Variants in NAALADL2 observed in about 807,000 individuals in gnomAD.
NAALADL2 encodes N-acetylated alpha-linked acidic dipeptidase like 2, also known as inactive N-acetylated-alpha-linked acidic dipeptidase-like protein 2.
NAALADL2 carries 76 observed loss-of-function variants against 87.2 expected under a neutral mutation model. The observed-to-expected ratio is 0.87, with a 90% CI of 0.72 to 1.05. The LOEUF (loss-of-function observed/expected upper bound fraction) is 1.05, where lower values mean the gene tolerates loss of function less well. Among genes scored for constraint, NAALADL2 ranks in the 50% least tolerant of loss-of-function variants. NAALADL2 has a pLI of 0.00. For missense variants in NAALADL2, 1,089 were observed against 945.8 expected, an observed-to-expected ratio of 1.15 and a Z score of -1.99; for synonymous variants, 354 against 331.0, an observed-to-expected ratio of 1.07 and a Z score of -0.75.
intron 3 of NAALADL2, among the ~76,000 whole-genome samples, chr3:175,247,034 C>T (rs1748124355): frequency 6.6e-6 from 1 of 152,116 alleles, no homozygotes; most frequent in Admixed American, 6.5e-5. Context: ...TTTTTCTTTG[C>T]TTTGACCATG....
chr3:175,129,081 G>A (rs1727398941), intron 2 of NAALADL2, among the ~76,000 whole-genome samples: 1 of 150,554 alleles, frequency 6.6e-6, no homozygotes, highest in Non-Finnish European at 1.5e-5. Flanking sequence ...TGGGACTAGA[G>A]GTGTGCACCC....
At chr3:175,053,485 G>A (rs949625731) in intron 1 of NAALADL2, among the ~76,000 whole-genome samples, 1 of 152,136 alleles carries the variant, frequency 6.6e-6, no homozygotes, top group African/African-American at 2.4e-5. Flanking sequence ...CTGCAACCAG[G>A]GGGTCCTCGA....
intron 10 of NAALADL2, among the ~76,000 whole-genome samples, chr3:175,606,340 A>G (rs957398568): frequency 2.0e-5 from 3 of 151,352 alleles, no homozygotes; most frequent in African/African-American, 4.8e-5. Flanking sequence ...AAAAGGAAGT[A>G]TTGGTTTCCC....
At chr3:175,072,955 T>C (rs78137146) in intron 1 of NAALADL2, among the ~76,000 whole-genome samples, 17,006 of 151,986 alleles carry the variant, frequency 0.11, 1,084 homozygotes, top group East Asian at 0.21. Flanking sequence ...CAATTTTGTT[T>C]TATTTTCTTT....
intron 2 of NAALADL2, among the ~76,000 whole-genome samples, chr3:174,705,054 T>G (rs1729925941): frequency 6.6e-6 from 1 of 152,190 alleles, no homozygotes; most frequent in South Asian, 2.1e-4. Flanking sequence ...ACCCAGTTTT[T>G]ACAGTTCAGG....
intron 1 of NAALADL2, among the ~76,000 whole-genome samples, chr3:174,950,588 A>G (rs1740192368): frequency 6.6e-6 from 1 of 152,124 alleles, no homozygotes; most frequent in Non-Finnish European, 1.5e-5. Context: ...TGAACTATAT[A>G]TGGTGTTCTT....
intron 2 of NAALADL2, among the ~76,000 whole-genome samples, chr3:175,161,485 C>T (rs1457339680): frequency 6.6e-6 from 1 of 152,068 alleles, no homozygotes; most frequent in Admixed American, 6.6e-5. Flanking sequence ...CATGTTGTTG[C>T]ACCATTGTCT....
chr3:175,067,715 G>A (rs551431607), intron 1 of NAALADL2, among the ~76,000 whole-genome samples: 20 of 152,046 alleles, frequency 1.3e-4, no homozygotes, highest in South Asian at 2.1e-4. Flanking sequence ...CAGAACTACC[G>A]TTTGACCCAG....
At chr3:175,701,407 T>C (rs367899943) in intron 11 of NAALADL2, among the ~76,000 whole-genome samples, 4 of 152,322 alleles carry the variant, frequency 2.6e-5, no homozygotes, top group African/African-American at 7.2e-5. Flanking sequence ...TCTACTTTTA[T>C]ATGGGATCTG....
chr3:175,155,654 C>A (rs909763203), intron 2 of NAALADL2, among the ~76,000 whole-genome samples: 5 of 151,834 alleles, frequency 3.3e-5, no homozygotes, highest in Non-Finnish European at 5.9e-5. Context: ...TATTAGCCAT[C>A]CTGTTTTAAT....
intron 1 of NAALADL2, among the ~76,000 whole-genome samples, chr3:174,953,380 T>C (rs1317046081): frequency 7.6e-6 from 1 of 131,342 alleles, no homozygotes; most frequent in Admixed American, 8.6e-5. Flanking sequence ...AAATCATTAT[T>C]AAATACCTAC....
chr3:175,791,267 T>A (rs1193481380), intron 13 of NAALADL2, among the ~76,000 whole-genome samples: 2 of 152,174 alleles, frequency 1.3e-5, no homozygotes, highest in Non-Finnish European at 2.9e-5. Context: ...TCTTTTAAAA[T>A]TTATTTTATT....
In NAALADL2 at chr3:174,610,928, G is replaced by A. The variant is rs368349441; in HGVS notation, c.-115+60291G>A. Among the ~76,000 whole-genome samples, 119 of 152,232 alleles carry A rather than the reference G, an allele frequency of 7.8e-4. No homozygotes were observed. In the Middle Eastern group the frequency reaches 0.014, roughly 17 times the overall value. On this transcript the variant is annotated intron_variant, in intron 2 of 3. Coordinates refer to the NAALADL2 transcript ENST00000434257. ...TTGGCAGCAACCCAAATGTCCAACA[G>A]TGATAGACTGGATTAAGAAAATGTG...
chr3:175,246,363 G>A (rs1016998085), intron 3 of NAALADL2, among the ~76,000 whole-genome samples: 14 of 152,136 alleles, frequency 9.2e-5, no homozygotes, highest in African/African-American at 2.9e-4. Context: ...TTCTGAACTT[G>A]AGTAGAAAAT....
At chr3:174,909,408 T>C (rs1733393174) in intron 1 of NAALADL2, among the ~76,000 whole-genome samples, 1 of 152,018 alleles carries the variant, frequency 6.6e-6, no homozygotes, top group South Asian at 2.1e-4. Context: ...AAAACAATTA[T>C]AGAGCACTCT....
At chr3:175,442,294 A>G (rs1037550427) in intron 5 of NAALADL2, among the ~76,000 whole-genome samples, 1 of 70,434 alleles carries the variant, frequency 1.4e-5, no homozygotes, top group African/African-American at 4.0e-5. Context: ...TGTCACACAT[A>G]TAAAGTATAT....
At chr3:174,932,195 C>G (rs1273470855) in intron 1 of NAALADL2, among the ~76,000 whole-genome samples, 1 of 152,110 alleles carries the variant, frequency 6.6e-6, no homozygotes, top group Non-Finnish European at 1.5e-5. Flanking sequence ...ATTGCTTTCT[C>G]CCCAGGAGTT....
At chr3:175,515,434 A>T (rs981588179) in intron 9 of NAALADL2, among the ~76,000 whole-genome samples, 1 of 152,162 alleles carries the variant, frequency 6.6e-6, no homozygotes, top group Non-Finnish European at 1.5e-5. Context: ...GATGAATCTT[A>T]TGATTATTGA....
rs111702479 is a variant in NAALADL2, at chr3:175,133,045, C to T, written c.545+35754C>T. Among the ~76,000 whole-genome samples, 44 of 145,964 alleles carry T rather than the reference C, an allele frequency of 3.0e-4. No individual in the cohort carries two copies. The East Asian group carries it at 5.7e-3, about 19-fold the overall frequency. ...GTAGAGGCACTCCCCACATCCCAGA[C>T]GGGGCGGCGGGGCAGAGGCGCTCCC... On this transcript the variant is annotated intron_variant, in intron 2 of 13. Transcript: ENST00000454872.
Sources: gnomAD v4.1 joint callset for allele counts (sites outside exome capture counted in the v4.1 genomes callset) on GRCh38, gnomAD v4.1.1 for gene constraint, MANE v1.5 for transcripts, NCBI Gene and HGNC (gene_info 2026-07-23, HGNC 2026-07-21) for gene names.